RGS12: variants seen among roughly 807,000 people sequenced by gnomAD.
RGS12 encodes the protein regulator of G protein signaling 12.
RGS12 carries 66 observed loss-of-function variants against 120.1 expected under a neutral mutation model. That is an observed-to-expected ratio of 0.55 (90% CI 0.45 to 0.67). The LOEUF is 0.67. Among genes scored for constraint, RGS12 ranks in the 30% least tolerant of loss-of-function variants. The pLI, the probability that RGS12 is intolerant of heterozygous loss-of-function variation, is 0.00. For synonymous variants in RGS12, 827 were observed against 804.7 expected (o/e 1.03, Z -0.47); for missense variants, 1,859 against 1,957.7 (o/e 0.95, Z 0.95).
In RGS12 at chr4:3,366,759, G is replaced by A. The variant is rs896221732; in HGVS notation, c.1999-19657G>A. Among the ~76,000 whole-genome samples, 25 of 152,206 alleles carry A rather than the reference G, an allele frequency of 1.6e-4. No individual in the cohort carries two copies. The highest frequency in any genetic ancestry group is 4.1e-4 in the African/African-American group (17 of 41,448). On this transcript the variant is annotated intron_variant, in intron 3 of 17. Transcript: ENST00000336727. This position sits in a 1 kb window ranked among gnomAD's most constrained non-coding sequence, Gnocchi z 4.0. Reference sequence around the variant, plus strand: ...CCTCTAGCAGAGACTGGTGTGGGTGGGCGCAGGAACTGGTGAGAGAGGCCT... The same window carrying A: ...CCTCTAGCAGAGACTGGTGTGGGTGAGCGCAGGAACTGGTGAGAGAGGCCT...
At position 3,417,716 on chromosome 4, in the gene RGS12, G is replaced by A. The variant is rs57569746; in HGVS notation, c.2761+175G>A. On this transcript the variant is annotated intron_variant, in intron 9 of 17. Transcript: ENST00000336727. Reference sequence around the variant, plus strand: ...GGAATGCCGCTGTGTCTGGGGACACGACCTGTCAGCCAGCCAGAGGGCAGC... The same window carrying A: ...GGAATGCCGCTGTGTCTGGGGACACAACCTGTCAGCCAGCCAGAGGGCAGC... 6.5e-3 allele frequency: 4,248 copies of A among 656,792 alleles called. 126 individuals carry two copies. The African/African-American group carries it at 0.065, about 10-fold the overall frequency. 40.7% of individuals were successfully genotyped at this position (656,792 alleles called of 1,614,324 possible). A position where few individuals can be genotyped will look rare whatever the true frequency, so the allele number is the denominator to read the frequency against.
At chr4:3,299,875 C>A (rs913164347) in intron 1 of RGS12, among the ~76,000 whole-genome samples, 1 of 152,146 alleles carries the variant, frequency 6.6e-6, no homozygotes, top group East Asian at 1.9e-4. Flanking sequence ...GGCCCATGAC[C>A]CCTGGACCCC....
upstream of RGS12, among the ~76,000 whole-genome samples, chr4:3,291,848 TC>T (rs1723039938): frequency 6.6e-6 from 1 of 152,156 alleles, no homozygotes; most frequent in Non-Finnish European, 1.5e-5. Context: ...GCTTCCCGGC[TC>T]CCGGACCGCG....
Position 3,428,661 on chromosome 4 carries a change from C to G in RGS12, c.3515C>G (p.Ala1172Gly), listed in dbSNP as rs1432571518. The change falls in exon 16 of 18, where the codon GCA becomes GGA. Residue 1172 changes from alanine (A) to glycine (G), a missense_variant. Transcript: ENST00000336727. ...PRLSKREESI[A>G]KIGKKKYQKI... ...CTTTCAAAGAGAGAAGAATCTATTG[C>G]AAAGATTGGGAAAAAAAAATATCAG... 11 of 1,597,552 alleles carry G rather than the reference C, an allele frequency of 6.9e-6. No individual in the cohort carries two copies. Among genetic ancestry groups the G allele is most frequent in the Non-Finnish European group, 9.4e-6 (11 of 1,175,210 alleles).
At chr4:3,347,419 A>G (rs138678400) in intron 3 of RGS12, among the ~76,000 whole-genome samples, 4,737 of 152,276 alleles carry the variant, frequency 0.031, 224 homozygotes, top group African/African-American at 0.1. Context: ...ACTCCAGCCT[A>G]GGCAACAGAG....
At chr4:3,331,354 T>C (rs978274550) in intron 2 of RGS12, among the ~76,000 whole-genome samples, 1 of 152,200 alleles carries the variant, frequency 6.6e-6, no homozygotes, top group African/African-American at 2.4e-5. Context: ...TTTTATCTTG[T>C]GTTGTTTCAA....
intron 3 of RGS12, among the ~76,000 whole-genome samples, chr4:3,368,884 A>C (rs1355081345): frequency 1.3e-5 from 2 of 152,088 alleles, no homozygotes; most frequent in Non-Finnish European, 2.9e-5. Context: ...GCCTTCTGTC[A>C]TACTGCCTGC....
chr4:3,337,988 C>G (rs1201091020), intron 2 of RGS12, among the ~76,000 whole-genome samples: 1 of 152,208 alleles, frequency 6.6e-6, no homozygotes, highest in Non-Finnish European at 1.5e-5. Flanking sequence ...CAGTTCTCAT[C>G]TGTGGATTGA....
chr4:3,289,874 C>T (rs968687468), upstream of RGS12, among the ~76,000 whole-genome samples: 4 of 152,312 alleles, frequency 2.6e-5, no homozygotes, highest in African/African-American at 9.6e-5. Context: ...GTGACTTGGA[C>T]ATTTTCAGAT....
At chr4:3,362,069 G>A (rs918843311) in intron 3 of RGS12, among the ~76,000 whole-genome samples, 3 of 152,204 alleles carry the variant, frequency 2.0e-5, no homozygotes, top group African/African-American at 4.8e-5. Context: ...GATGGAGGGC[G>A]GCCGTCCGCT....
chr4:3,288,358 A>G (rs189011984), upstream of RGS12, among the ~76,000 whole-genome samples: 1,653 of 152,104 alleles, frequency 0.011, 24 homozygotes, highest in South Asian at 0.033. The surrounding 1 kb of genome is among the most constrained non-coding windows in gnomAD (Gnocchi z 5.2). Flanking sequence ...GAAGGGTGTG[A>G]GCCGCGCAGA....
At chr4:3,412,746 C>T (rs1183846205) in intron 4 of RGS12, among the ~76,000 whole-genome samples, 2 of 152,276 alleles carry the variant, frequency 1.3e-5, no homozygotes, top group Admixed American at 6.5e-5. Context: ...CTTAACAACA[C>T]AGGTTTAGTG....
At chr4:3,423,428 G>A (rs556721002) in intron 12 of RGS12, 87 bp from the exon 13 acceptor site, 1 of 1,556,866 alleles carries the variant, frequency 6.4e-7, no homozygotes, top group Non-Finnish European at 8.8e-7. Flanking sequence ...AGGGCGGCCT[G>A]GGGCTGTGCT....
intron 3 of RGS12, among the ~76,000 whole-genome samples, chr4:3,351,186 C>G (rs80287771): frequency 0.017 from 2,581 of 151,982 alleles, 77 homozygotes; most frequent in African/African-American, 0.055. Flanking sequence ...TACATTTTAG[C>G]TAGGCCTGGC....
intron 1 of RGS12, among the ~76,000 whole-genome samples, chr4:3,304,482 C>T (rs1723864967): frequency 6.6e-6 from 1 of 152,188 alleles, no homozygotes; most frequent in Non-Finnish European, 1.5e-5. Flanking sequence ...GAGAGGGAGG[C>T]AGCTGGGGCT....
chr4:3,363,006 C>A (rs975717060), intron 3 of RGS12, among the ~76,000 whole-genome samples: 1 of 143,934 alleles, frequency 6.9e-6, no homozygotes, highest in African/African-American at 2.6e-5. Context: ...AGAGTGTGCA[C>A]GTCTGTGAGT....
chr4:3,343,490 A>G (rs1294339424), intron 3 of RGS12, among the ~76,000 whole-genome samples: 2 of 152,190 alleles, frequency 1.3e-5, no homozygotes, highest in Admixed American at 6.5e-5. Context: ...GTTTACAGAA[A>G]GTACAGAGAG....
chr4:3,422,644 G>T (rs986558063), intron 11 of RGS12, 74 bp downstream of exon 11: 69 of 1,486,458 alleles, frequency 4.6e-5, no homozygotes, highest in Non-Finnish European at 5.5e-5. Flanking sequence ...AGCTTTGTCA[G>T]AGTCCTCAGG....
At chr4:3,413,981 C>A in intron 4 of RGS12, 91 bp from the exon 5 acceptor site, 1 of 1,328,696 alleles carries the variant, frequency 7.5e-7, no homozygotes, top group Non-Finnish European at 1.0e-6. Flanking sequence ...GAGCTTGCTG[C>A]GTGTCCCAGG....
Sources: allele counts gnomAD v4.1 joint callset (sites outside exome capture counted in the v4.1 genomes callset), GRCh38; gene constraint gnomAD v4.1.1; non-coding constraint Gnocchi (gnomAD v3.1); transcripts MANE v1.5; gene names NCBI Gene and HGNC (gene_info 2026-07-23, HGNC 2026-07-21).